TENM3: variants seen among roughly 807,000 people sequenced by gnomAD.
TENM3 encodes the protein teneurin-3.
Under a neutral mutation model 255.1 loss-of-function variants are expected in TENM3, and 63 were observed. The observed-to-expected ratio is 0.25, with a 90% confidence interval of 0.20 to 0.30. The LOEUF is 0.30. Ranked by LOEUF, TENM3 falls within the 10% of genes least tolerant of loss-of-function variation. The probability of loss-of-function intolerance (pLI) is 1.00; values close to 1 mark genes in which losing one functional copy is unlikely to be tolerated. For missense variants in TENM3, 2,929 were observed against 3,461.1 expected (o/e 0.85, Z 3.86); for synonymous variants, 1,306 against 1,322.3 (o/e 0.99, Z 0.27).
At chr4:182,620,464 C>T (rs765346476) in intron 4 of TENM3, among the ~76,000 whole-genome samples, 17 of 152,204 alleles carry the variant, frequency 1.1e-4, no homozygotes, top group East Asian at 3.9e-4. Context: ...CAGAGTCCTG[C>T]GAAATCTGAG....
At chr4:181,616,498 A>G in the TENM3 span, among the ~76,000 whole-genome samples, 1 of 149,352 alleles carries the variant, frequency 6.7e-6, no homozygotes, top group Non-Finnish European at 1.5e-5. Context: ...TCCATTATCC[A>G]TATAATATTA....
chr4:182,578,346 C>T (rs1013971802), intron 3 of TENM3, among the ~76,000 whole-genome samples: 18 of 152,100 alleles, frequency 1.2e-4, no homozygotes, highest in Admixed American at 3.9e-4. Flanking sequence ...TCAATATCAC[C>T]TTCCCTTTCA....
chr4:181,731,797 C>T, the TENM3 span, among the ~76,000 whole-genome samples: 1 of 152,178 alleles, frequency 6.6e-6, no homozygotes, highest in African/African-American at 2.4e-5. Flanking sequence ...AAAGTCAAGT[C>T]ACCATGGTCC....
the TENM3 span, among the ~76,000 whole-genome samples, chr4:182,086,768 C>T: frequency 4.6e-5 from 7 of 152,094 alleles, no homozygotes; most frequent in African/African-American, 7.2e-5. Context: ...GTTTGAGCAA[C>T]ACTTAGAAAT....
intron 7 of TENM3, 82 bp from the exon 8 acceptor site, chr4:182,679,584 A>C: frequency 9.1e-7 from 1 of 1,098,594 alleles, no homozygotes; most frequent in Non-Finnish European, 1.3e-6. Flanking sequence ...AGAGCAAAGG[A>C]AGACAGATTG....
At chr4:182,068,238 T>C in the TENM3 span, among the ~76,000 whole-genome samples, 2 of 152,004 alleles carry the variant, frequency 1.3e-5, no homozygotes, top group Admixed American at 6.6e-5. Flanking sequence ...GCCAGGAGAG[T>C]GAGCAGGGCA....
intron 20 of TENM3, among the ~76,000 whole-genome samples, chr4:182,752,756 TC>T: frequency 6.6e-6 from 1 of 152,272 alleles, no homozygotes; most frequent in Admixed American, 6.5e-5. Flanking sequence ...TTGGCTTAGA[TC>T]TATTTTTGTT....
At chr4:182,457,755 T>C (rs1773993448) in intron 3 of TENM3, among the ~76,000 whole-genome samples, 1 of 152,010 alleles carries the variant, frequency 6.6e-6, no homozygotes. Context: ...AGAAAAAGGG[T>C]CCCACCATAT....
At chr4:181,761,867 TGTTTG>T in the TENM3 span, among the ~76,000 whole-genome samples, 1 of 152,312 alleles carries the variant, frequency 6.6e-6, no homozygotes, top group East Asian at 1.9e-4. Flanking sequence ...GTGTACAATA[TGTTTG>T]TGTCTTTTGA....
At chr4:181,596,246 ACTC>A in the TENM3 span, among the ~76,000 whole-genome samples, 3 of 152,180 alleles carry the variant, frequency 2.0e-5, no homozygotes, top group African/African-American at 4.8e-5. Flanking sequence ...TTATTCCTAA[ACTC>A]CTAACATGGC....
chr4:181,589,594 G>A, the TENM3 span, among the ~76,000 whole-genome samples: 1 of 152,090 alleles, frequency 6.6e-6, no homozygotes, highest in Non-Finnish European at 1.5e-5. Flanking sequence ...GGAATTTTTG[G>A]CTGGACCTGA....
At chr4:181,669,153 C>A in the TENM3 span, among the ~76,000 whole-genome samples, 2 of 152,140 alleles carry the variant, frequency 1.3e-5, no homozygotes, top group African/African-American at 4.8e-5. Flanking sequence ...AAGCTTAAAT[C>A]CCTCAACTTG....
intron 1 of TENM3, among the ~76,000 whole-genome samples, chr4:182,162,428 C>G (rs539205535): frequency 6.6e-6 from 1 of 152,084 alleles, no homozygotes; most frequent in African/African-American, 2.4e-5. Flanking sequence ...ACACTGTGAG[C>G]TAGGATTAAG....
chr4:181,797,642 G>C, the TENM3 span, among the ~76,000 whole-genome samples: 1 of 152,166 alleles, frequency 6.6e-6, no homozygotes, highest in South Asian at 2.1e-4. Context: ...GCCCAAGAAA[G>C]AGGACACTTC....
At chr4:182,743,470 T>TA (rs923115632) in intron 19 of TENM3, 51 bp downstream of exon 19, 44 of 1,563,546 alleles carry the variant, frequency 2.8e-5, no homozygotes, top group South Asian at 5.7e-5. Context: ...CGTGCCTCTT[T>TA]AAAAAAAAGG....
the TENM3 span, among the ~76,000 whole-genome samples, chr4:181,487,111 A>G: frequency 6.6e-6 from 1 of 152,212 alleles, no homozygotes; most frequent in Non-Finnish European, 1.5e-5. Flanking sequence ...TGTATAATAT[A>G]CAATCTTTGT....
the TENM3 span, among the ~76,000 whole-genome samples, chr4:181,605,484 A>G: frequency 0.016 from 123 of 7,852 alleles, 3 homozygotes; most frequent in South Asian, 0.033. Flanking sequence ...GAAACAGAGA[A>G]AGAAAGAAAG....
At chr4:182,493,015 A>G (rs577523769) in intron 3 of TENM3, among the ~76,000 whole-genome samples, 134 of 152,242 alleles carry the variant, frequency 8.8e-4, no homozygotes, top group African/African-American at 3.1e-3. Flanking sequence ...ATTTTATGCC[A>G]TGAGACGTGA....
the TENM3 span, among the ~76,000 whole-genome samples, chr4:181,604,132 G>T: frequency 1.3e-5 from 2 of 152,146 alleles, no homozygotes; most frequent in Non-Finnish European, 2.9e-5. Context: ...GGGCGTGGTG[G>T]CGGGTGCCTG....
Sources: gnomAD v4.1 joint callset for allele counts (sites outside exome capture counted in the v4.1 genomes callset) on GRCh38, gnomAD v4.1.1 for gene constraint, MANE v1.5 for transcripts, NCBI Gene and HGNC (gene_info 2026-07-23, HGNC 2026-07-21) for gene names.